Variants in RANBP2 observed in about 807,000 individuals in gnomAD.
The protein encoded by RANBP2 is RAN binding protein 2.
A neutral mutation model predicts 303.6 loss-of-function variants in RANBP2; 57 were observed. The observed-to-expected ratio is 0.19, with a 90% CI of 0.15 to 0.23. The LOEUF (loss-of-function observed/expected upper bound fraction) is 0.23, where lower values mean the gene tolerates loss of function less well. Ranked by LOEUF, RANBP2 falls within the 10% of genes least tolerant of loss-of-function variation. RANBP2 has a pLI of 1.00. For missense variants in RANBP2, 3,138 were observed against 3,780.8 expected, an observed-to-expected ratio of 0.83 and a Z score of 4.46; for synonymous variants, 1,167 against 1,301.5, an observed-to-expected ratio of 0.90 and a Z score of 2.23.
chr2:108,921,426 T>C, the RANBP2 span, among the ~76,000 whole-genome samples: 1 of 152,186 alleles, frequency 6.6e-6, no homozygotes, highest in African/African-American at 2.4e-5. Context: ...TGCACTTTGT[T>C]TGGCGAGGGC....
At chr2:109,028,571 T>C in the RANBP2 span, among the ~76,000 whole-genome samples, 83 of 152,210 alleles carry the variant, frequency 5.5e-4, no homozygotes, top group African/African-American at 1.9e-3. Flanking sequence ...CAGTGCTGAA[T>C]GCTGTTTCAA....
the RANBP2 span, among the ~76,000 whole-genome samples, chr2:109,591,856 C>T: frequency 6.3e-3 from 961 of 152,100 alleles, 9 homozygotes; most frequent in African/African-American, 0.022. Context: ...GAGATTGCAC[C>T]ACTGCACTCC....
chr2:109,374,008 G>A, the RANBP2 span, among the ~76,000 whole-genome samples: 4 of 152,102 alleles, frequency 2.6e-5, no homozygotes, highest in Non-Finnish European at 4.4e-5. Context: ...GGAGTCAGCC[G>A]CATCTGTGCC....
At chr2:108,858,361 CAAAA>C in the RANBP2 span, among the ~76,000 whole-genome samples, 2 of 151,416 alleles carry the variant, frequency 1.3e-5, no homozygotes, top group Admixed American at 6.6e-5. Context: ...AACAAACAAA[CAAAA>C]AAAACACCAA....
At chr2:108,909,823 C>T in the RANBP2 span, among the ~76,000 whole-genome samples, 2 of 152,250 alleles carry the variant, frequency 1.3e-5, no homozygotes, top group Admixed American at 6.5e-5. Context: ...ATCTCCTCCT[C>T]CAGAGGCCTC....
chr2:109,155,403 T>G, the RANBP2 span, among the ~76,000 whole-genome samples: 1 of 152,124 alleles, frequency 6.6e-6, no homozygotes, highest in Non-Finnish European at 1.5e-5. Flanking sequence ...TGAGTTCACC[T>G]GCCATTCTCC....
the RANBP2 span, among the ~76,000 whole-genome samples, chr2:109,587,684 C>T: frequency 0.25 from 38,589 of 151,918 alleles, 5,006 homozygotes; most frequent in South Asian, 0.3. Flanking sequence ...GAGGCCGAGG[C>T]GGGTGGATAA....
the RANBP2 span, among the ~76,000 whole-genome samples, chr2:109,299,310 A>G: frequency 6.6e-6 from 1 of 152,164 alleles, no homozygotes; most frequent in Admixed American, 6.5e-5. Flanking sequence ...TCAGATGAAA[A>G]TTTGAAGCTT....
At chr2:109,055,960 A>C in the RANBP2 span, among the ~76,000 whole-genome samples, 27 of 151,522 alleles carry the variant, frequency 1.8e-4, no homozygotes, top group African/African-American at 6.3e-4. Context: ...GGGTTTCACC[A>C]TCTTGGCCAG....
chr2:109,528,220 T>C, the RANBP2 span, among the ~76,000 whole-genome samples: 1 of 152,210 alleles, frequency 6.6e-6, no homozygotes, highest in African/African-American at 2.4e-5. Flanking sequence ...CTAAGTGGCA[T>C]GCAGGAGGGA....
At chr2:108,874,208 G>A in the RANBP2 span, among the ~76,000 whole-genome samples, 1 of 152,112 alleles carries the variant, frequency 6.6e-6, no homozygotes, top group Non-Finnish European at 1.5e-5. Context: ...ATGTACTAAA[G>A]TGAATTTAGG....
the RANBP2 span, among the ~76,000 whole-genome samples, chr2:109,388,062 T>C: frequency 1.3e-5 from 2 of 152,198 alleles, no homozygotes; most frequent in East Asian, 1.9e-4. Context: ...TGAACTCCTT[T>C]AGACAACTCT....
At chr2:109,025,822 A>G in the RANBP2 span, among the ~76,000 whole-genome samples, 1 of 151,616 alleles carries the variant, frequency 6.6e-6, no homozygotes, top group African/African-American at 2.4e-5. Context: ...AAGAAAAAAA[A>G]TTACATCAAT....
the RANBP2 span, among the ~76,000 whole-genome samples, chr2:109,019,765 A>G: frequency 6.6e-6 from 1 of 152,178 alleles, no homozygotes. Flanking sequence ...CTTCCTAACT[A>G]TCTGGAAAAT....
At chr2:108,859,288 C>G in the RANBP2 span, among the ~76,000 whole-genome samples, 1 of 152,136 alleles carries the variant, frequency 6.6e-6, no homozygotes, top group African/African-American at 2.4e-5. Context: ...CTTGTAGATT[C>G]TGGATATTAG....
chr2:108,829,310 T>A, the RANBP2 span, among the ~76,000 whole-genome samples: 1 of 152,094 alleles, frequency 6.6e-6, no homozygotes, highest in Non-Finnish European at 1.5e-5. Context: ...ACCCTATTTT[T>A]AAAAAAGCAA....
At chr2:109,538,868 C>T in the RANBP2 span, among the ~76,000 whole-genome samples, 2 of 152,188 alleles carry the variant, frequency 1.3e-5, no homozygotes, top group African/African-American at 4.8e-5. Flanking sequence ...ACACATTAAT[C>T]TTCTACACAA....
the RANBP2 span, chr2:108,839,244 C>T: frequency 5.0e-6 from 8 of 1,612,466 alleles, no homozygotes; most frequent in African/African-American, 2.7e-5. Flanking sequence ...TCAAACTTCA[C>T]GAGCCTTTTG....
chr2:109,461,012 C>G, the RANBP2 span, among the ~76,000 whole-genome samples: 13 of 152,350 alleles, frequency 8.5e-5, no homozygotes, highest in East Asian at 2.5e-3. Context: ...CCTGTGTGAT[C>G]CTATGGAACT....
Sources: gnomAD v4.1 joint callset for allele counts (sites outside exome capture counted in the v4.1 genomes callset) on GRCh38, gnomAD v4.1.1 for gene constraint, MANE v1.5 for transcripts, NCBI Gene and HGNC (gene_info 2026-07-23, HGNC 2026-07-21) for gene names.